The following PIK3R5 variants were observed in gnomAD, a reference collection of about 807,000 sequenced individuals.
The protein encoded by PIK3R5 is phosphoinositide-3-kinase regulatory subunit 5, also known as phosphoinositide 3-kinase regulatory subunit 5.
In PIK3R5, 32 loss-of-function variants were observed where a neutral mutation model predicts 94.9. That is an observed-to-expected ratio of 0.34 (90% CI 0.25 to 0.45). PIK3R5 has a LOEUF of 0.45. Ranked by LOEUF, PIK3R5 falls within the 20% of genes least tolerant of loss-of-function variation. PIK3R5 has a pLI of 1.00. For synonymous variants in PIK3R5, 443 were observed against 479.4 expected (o/e 0.92, Z 0.99); for missense variants, 853 against 1,144.6 (o/e 0.75, Z 3.68).
At chr17:8,894,298 C>T (rs550483848) in intron 5 of PIK3R5, among the ~76,000 whole-genome samples, 7 of 152,220 alleles carry the variant, frequency 4.6e-5, no homozygotes, top group South Asian at 2.1e-4. Context: ...GGCTACTCCT[C>T]GGTCCCTGCC....
Position 8,889,401 on chromosome 17 carries a change from T to G in PIK3R5, c.812-179A>C, listed in dbSNP as rs2089966229. The stretch of plus-strand genomic sequence containing the variant: ...GTGCCAGGCTCCAAGCCAGAGGCCC[T>G]TCTTTCAAGCACACCATGTAGATGG... On this transcript the variant is annotated intron_variant, in intron 8 of 18. Coordinates refer to ENST00000447110, the MANE Select transcript of PIK3R5 (RefSeq NM_001142633.3). The surrounding 1 kb of genome is among the most constrained non-coding windows in gnomAD (Gnocchi z 4.1). 6.6e-6 allele frequency among the ~76,000 whole-genome samples: 1 copy of G among 152,218 alleles called. No homozygotes were observed. Among genetic ancestry groups the G allele is most frequent in the African/African-American group, 2.4e-5 (1 of 41,444 alleles).
chr17:8,925,058 GTAGATGGA>G lies in PIK3R5; in HGVS notation c.-13-13559_-13-13552del, dbSNP rs1196521116. ...TAGTAGATGAATAGATAGATAGATAGTAGATGGATAGATGGATAGATAGATAGTGGATA... is the reference window on the plus strand; with the variant it reads ...TAGTAGATGAATAGATAGATAGATAGTAGATGGATAGATAGATAGTGGATA... On this transcript the variant is annotated intron_variant, in intron 1 of 18. Coordinates refer to ENST00000447110, the MANE Select transcript of PIK3R5 (RefSeq NM_001142633.3). This position sits in a 1 kb window ranked among gnomAD's most constrained non-coding sequence, Gnocchi z 5.1. Among the ~76,000 whole-genome samples, 5 of 152,158 alleles carry G rather than the reference GTAGATGGA, an allele frequency of 3.3e-5. No individual in the cohort carries two copies. Among genetic ancestry groups the G allele is most frequent in the Non-Finnish European group, 5.9e-5 (4 of 68,040 alleles).
intron 15 of PIK3R5, among the ~76,000 whole-genome samples, chr17:8,883,672 C>T (rs61761118): frequency 6.6e-6 from 1 of 152,364 alleles, no homozygotes; most frequent in African/African-American, 2.4e-5. Flanking sequence ...ACTAACTCTC[C>T]TGACTGGGTT....
intron 3 of PIK3R5, among the ~76,000 whole-genome samples, chr17:8,907,790 C>T (rs575140930): frequency 1.3e-5 from 2 of 152,204 alleles, no homozygotes; most frequent in African/African-American, 4.8e-5. Context: ...GTGTGCACCA[C>T]CACAACTGGC....
chr17:8,894,452 G>C (rs1160272528), intron 5 of PIK3R5, among the ~76,000 whole-genome samples: 1 of 152,116 alleles, frequency 6.6e-6, no homozygotes, highest in Non-Finnish European at 1.5e-5. Flanking sequence ...TCCGGGGATC[G>C]GGAAGGACTG....
intron 5 of PIK3R5, among the ~76,000 whole-genome samples, chr17:8,894,482 C>T (rs945608046): frequency 6.6e-6 from 1 of 152,180 alleles, no homozygotes; most frequent in African/African-American, 2.4e-5. Flanking sequence ...CTGGCGTCCT[C>T]CGTGCTCTGA....
chr17:8,947,809 C>T (rs1484196848), intron 1 of PIK3R5, among the ~76,000 whole-genome samples: 2 of 151,990 alleles, frequency 1.3e-5, no homozygotes, highest in African/African-American at 4.8e-5. Context: ...TTTGGGAGGC[C>T]GAGGCCGGTG....
intron 1 of PIK3R5, among the ~76,000 whole-genome samples, chr17:8,922,268 C>G (rs2090766985): frequency 6.6e-6 from 1 of 152,030 alleles, no homozygotes; most frequent in African/African-American, 2.4e-5. Flanking sequence ...GTTTGATAAT[C>G]ATAATTGATT....
At chr17:8,950,158 C>T (rs543747622) in intron 1 of PIK3R5, among the ~76,000 whole-genome samples, 131 of 152,270 alleles carry the variant, frequency 8.6e-4, no homozygotes, top group African/African-American at 1.7e-3. Flanking sequence ...GTAAAAAATA[C>T]GAATGATAAC....
chr17:8,908,364 C>T (rs1216013529), intron 3 of PIK3R5, among the ~76,000 whole-genome samples: 2 of 152,072 alleles, frequency 1.3e-5, no homozygotes, highest in Non-Finnish European at 2.9e-5. Flanking sequence ...GTTATGCGCT[C>T]CAGAGGTGGT....
At position 8,906,521 on chromosome 17, in the gene PIK3R5, T is replaced by C. The variant is rs143074589; in HGVS notation, c.205-784A>G. On this transcript the variant is annotated intron_variant, in intron 3 of 18. Coordinates refer to ENST00000447110, the MANE Select transcript of PIK3R5 (RefSeq NM_001142633.3). ...TTTTTCCTTCATGGATTTTTGCTTT[T>C]GCATGCAAGGATCATGTAAATATTC... Among the ~76,000 whole-genome samples the C allele has an allele frequency of 3.3e-5, 5 of 152,322 alleles. No homozygotes were observed. In the East Asian group the frequency reaches 9.6e-4, roughly 29 times the overall value.
rs61759646 is a variant in PIK3R5, at chr17:8,893,415, A to G, written c.482+171T>C. The stretch of plus-strand genomic sequence containing the variant: ...AAAACACACCTGGACACAAAATATC[A>G]CCAGCAGTGCCAGGGGGTTCCCAGT... On this transcript the variant is annotated intron_variant, in intron 6 of 18. Transcript: ENST00000447110. This position sits in a 1 kb window ranked among gnomAD's most constrained non-coding sequence, Gnocchi z 5.1. Among the ~76,000 whole-genome samples the G allele has an allele frequency of 0.038, 5,847 of 151,924 alleles. 394 individuals are homozygous for G. The highest frequency in any genetic ancestry group is 0.13 in the African/African-American group (5,528 of 41,422).
chr17:8,892,050 G>A lies in PIK3R5; in HGVS notation c.483-1138C>T, dbSNP rs2090039974. Among the ~76,000 whole-genome samples the A allele has an allele frequency of 1.3e-5, 2 of 152,094 alleles. No individual in the cohort carries two copies. The highest frequency in any genetic ancestry group is 2.4e-5 in the African/African-American group (1 of 41,392). The stretch of plus-strand genomic sequence containing the variant: ...CACTGCATGACCTCGAAGCAAATTC[G>A]AGCCATGGCGGCTTTGTATCCATAA... On this transcript the variant is annotated intron_variant, in intron 6 of 18. Coordinates refer to ENST00000447110, the MANE Select transcript of PIK3R5 (RefSeq NM_001142633.3). This position sits in a 1 kb window ranked among gnomAD's most constrained non-coding sequence, Gnocchi z 4.3.
In PIK3R5 at chr17:8,888,786, A is replaced by C; in HGVS notation, c.1001T>G (p.Leu334Trp). The change falls in exon 10 of 19, where the codon TTG (leucine) becomes TGG (tryptophan). Residue 334 changes from leucine to tryptophan, a missense_variant. Physicochemically the swap from Leu to Trp is moderately conservative, Grantham distance 61. Around this residue, in one of 6 missense-constraint regions of PIK3R5, gnomAD observed 161 missense variants for 249.5 expected, o/e 0.65. Transcript: ENST00000447110. This position sits in a 1 kb window ranked among gnomAD's most constrained non-coding sequence, Gnocchi z 7.8. ...CTCGGCACAGTGCCCGTCAGTTTCC[A>C]AGTCCTCCTCCACCTCCTCCTCCTC... ...EEEEEEVEEDLETDGHCAERD... is the reference protein window; with the variant it reads ...EEEEEEVEEDWETDGHCAERD... 1.9e-6 allele frequency: 3 copies of C among 1,612,680 alleles called. No individual in the cohort carries two copies. The highest frequency in any genetic ancestry group is 2.5e-6 in the Non-Finnish European group (3 of 1,179,980).
chr17:8,910,247 C>T (rs979295928), intron 2 of PIK3R5, among the ~76,000 whole-genome samples: 1 of 152,192 alleles, frequency 6.6e-6, no homozygotes, highest in African/African-American at 2.4e-5. Context: ...CGTGTACAGG[C>T]TCCTTCCAAA....
At chr17:8,953,562 G>A (rs1319285926) in intron 1 of PIK3R5, among the ~76,000 whole-genome samples, 3 of 152,118 alleles carry the variant, frequency 2.0e-5, no homozygotes, top group Non-Finnish European at 2.9e-5. Flanking sequence ...CCTACCACTG[G>A]CCAGCTCACA....
intron 1 of PIK3R5, among the ~76,000 whole-genome samples, chr17:8,962,981 T>C (rs975875257): frequency 2.0e-5 from 3 of 152,176 alleles, no homozygotes; most frequent in African/African-American, 7.2e-5. Context: ...TCTCTGTTTT[T>C]TAAATTTTAT....
At position 8,935,046 on chromosome 17, in the gene PIK3R5, C is replaced by G. The variant is rs1241501014; in HGVS notation, c.-13-23539G>C. Among the ~76,000 whole-genome samples, 1 of 152,174 alleles carries G rather than the reference C, an allele frequency of 6.6e-6. No homozygotes were observed. The highest frequency in any genetic ancestry group is 1.5e-5 in the Non-Finnish European group (1 of 68,032). Reference sequence around the variant, plus strand: ...TGTTTCTGATGTGGATCTTAATATGCATTCTTCTGTCTTCCATTTCCAGGT... The same window carrying G: ...TGTTTCTGATGTGGATCTTAATATGGATTCTTCTGTCTTCCATTTCCAGGT... On this transcript the variant is annotated intron_variant, in intron 1 of 18. Coordinates refer to ENST00000447110, the MANE Select transcript of PIK3R5 (RefSeq NM_001142633.3). The surrounding 1 kb of genome is among the most constrained non-coding windows in gnomAD (Gnocchi z 4.5).
In PIK3R5 at chr17:8,880,946, G is replaced by A; in HGVS notation, c.2454C>T (p.Cys818=). Residue 818 remains cysteine, a synonymous_variant, in exon 18 of 19, where the codon TGC becomes TGT. Coordinates refer to ENST00000447110, the MANE Select transcript of PIK3R5 (RefSeq NM_001142633.3). ...GGATCTTTCTCTCATCCTGGTCCAGGCACACAGCAAAGGGGCAGCTGTTGG... is the reference window on the plus strand; with the variant it reads ...GGATCTTTCTCTCATCCTGGTCCAGACACACAGCAAAGGGGCAGCTGTTGG... The part of the protein sequence containing the change: ...IGSNSCPFAV[C]LDQDERKILQ... 6.2e-7 allele frequency: 1 copy of A among 1,614,084 alleles called. No homozygotes were observed. Among genetic ancestry groups the A allele is most frequent in the Non-Finnish European group, 8.5e-7 (1 of 1,179,946 alleles).
Sources: gnomAD v4.1 joint callset for allele counts (sites outside exome capture counted in the v4.1 genomes callset) on GRCh38, gnomAD v4.1.1 for gene constraint, gnomAD v4.1.1 regional missense constraint, Gnocchi (gnomAD v3.1) non-coding constraint, MANE v1.5 for transcripts, NCBI Gene and HGNC (gene_info 2026-07-23, HGNC 2026-07-21) for gene names.